The following SLC39A6 variants were observed in gnomAD, a reference collection of about 807,000 sequenced individuals.
SLC39A6 encodes zinc transporter ZIP6.
A neutral mutation model predicts 63.5 loss-of-function variants in SLC39A6; 51 were observed. The observed-to-expected ratio is 0.80, with a 90% CI of 0.64 to 1.01. The LOEUF is 1.01. Ranked by LOEUF, SLC39A6 falls within the 50% of genes least tolerant of loss-of-function variation. The pLI is 0.00. For synonymous variants in SLC39A6, 318 were observed against 324.7 expected (o/e 0.98, Z 0.22); for missense variants, 805 against 927.8 (o/e 0.87, Z 1.72).
At chr18:36,115,845 C>A (rs981509740) in intron 6 of SLC39A6, among the ~76,000 whole-genome samples, 6 of 152,086 alleles carry the variant, frequency 3.9e-5, no homozygotes, top group Non-Finnish European at 8.8e-5. Flanking sequence ...AGCAAACAGC[C>A]AAGTTTCAGG....
At chr18:36,118,956 G>A (rs2144505259) in intron 5 of SLC39A6, among the ~76,000 whole-genome samples, 1 of 152,218 alleles carries the variant, frequency 6.6e-6, no homozygotes, top group East Asian at 1.9e-4. Flanking sequence ...GGTTGGATGT[G>A]GGGATGAGGG....
rs781184086 is a variant in SLC39A6, at chr18:36,122,261, T to C, written c.1150A>G (p.Ser384Gly). 1.7e-5 allele frequency: 28 copies of C among 1,610,114 alleles called. No homozygotes were observed. The Admixed American group carries it at 4.5e-4, about 26-fold the overall frequency. Reference protein sequence around the residue: ...FLHLLPHSHASHHHSHSHEEP... With the variant: ...FLHLLPHSHAGHHHSHSHEEP... The stretch of plus-strand genomic sequence containing the variant: ...TCATGGCTATGACTATGGTGGTGAC[T>C]TGCATGAGACTGAAGGCAAAATAAT... Residue 384 changes from serine to glycine, a missense_variant, in exon 5 of 10, where the codon AGT (serine) becomes GGT (glycine). This residue lies in a region of SLC39A6 where 639 missense variants were observed against 644.0 expected (regional missense o/e 0.99). Coordinates refer to ENST00000269187, the MANE Select transcript of SLC39A6 (RefSeq NM_012319.4).
chr18:36,125,643 G>A (rs1168736498), intron 2 of SLC39A6, among the ~76,000 whole-genome samples: 2 of 152,010 alleles, frequency 1.3e-5, no homozygotes, highest in Non-Finnish European at 2.9e-5. Flanking sequence ...CTCAGCCAAG[G>A]TGAATTACGT....
rs2089441377 is a variant in SLC39A6 at position 36,126,669 on chromosome 18, G to C, written c.339C>G (p.Asp113Glu). 6 of 1,602,740 alleles carry C rather than the reference G, an allele frequency of 3.7e-6. No homozygotes were observed. The highest frequency in any genetic ancestry group is 5.1e-6 in the Non-Finnish European group (6 of 1,172,182). The change falls in exon 2 of 10, where the codon GAC (aspartate) becomes GAG (glutamate). Residue 113 changes from aspartate to glutamate, a missense_variant. Asp to Glu is a conservative substitution (Grantham distance 45). Transcript: ENST00000269187. ...EHHSDHERHS[D>E]HEHHSEHEHH... ...GCTCGTGCTCTGAGTGATGCTCATG[G>C]TCTGAGTGACGCTCATGGTCTGAGT...
chr18:36,119,840 A>T (rs1274011118), intron 5 of SLC39A6, among the ~76,000 whole-genome samples: 1 of 152,118 alleles, frequency 6.6e-6, no homozygotes, highest in Non-Finnish European at 1.5e-5. Context: ...TGATCATGCC[A>T]CTGCACTCTA....
chr18:36,117,058 G>GA (rs2089351903), intron 5 of SLC39A6, among the ~76,000 whole-genome samples: 1 of 152,200 alleles, frequency 6.6e-6, no homozygotes, highest in Admixed American at 6.5e-5. Flanking sequence ...CCAATACGGT[G>GA]AAACTCCATC....
chr18:36,124,483 T>G (rs2089419252), intron 3 of SLC39A6, 37 bp downstream of exon 3: 1 of 1,332,384 alleles, frequency 7.5e-7, no homozygotes, highest in Admixed American at 1.8e-5. Context: ...TAAATGAATC[T>G]ACTGAAATTG....
intron 6 of SLC39A6, among the ~76,000 whole-genome samples, chr18:36,115,533 T>C (rs2089338257): frequency 6.6e-6 from 1 of 152,012 alleles, no homozygotes; most frequent in Admixed American, 6.6e-5. Context: ...CAGTGGCTCA[T>C]GCCTGCTGTC....
Position 36,109,475 on chromosome 18 carries a change from C to T in SLC39A6, c.*118G>A, listed in dbSNP as rs2144495073. 1 of 717,584 alleles carries T rather than the reference C, an allele frequency of 1.4e-6. No homozygotes were observed. The highest frequency in any genetic ancestry group is 2.8e-5 in the Admixed American group (1 of 35,868). The allele number at this position is 717,584 out of a possible 1,614,324, so 44.5% of individuals were successfully genotyped here. A position where few individuals can be genotyped will look rare whatever the true frequency, so the allele number is the denominator to read the frequency against. On this transcript the variant is annotated 3_prime_UTR_variant, in exon 10 of 10. Coordinates refer to ENST00000269187, the MANE Select transcript of SLC39A6 (RefSeq NM_012319.4). ...TTGTAACAGACAGCAATATTCAATA[C>T]AAAAATCACAAAACCCACTAACTTT...
intron 5 of SLC39A6, 37 bp downstream of exon 5, chr18:36,122,015 C>G (rs2089398065): frequency 3.5e-6 from 5 of 1,420,902 alleles, no homozygotes; most frequent in Admixed American, 1.8e-5. Flanking sequence ...AAATAAATAT[C>G]TGAAGCATAG....
At chr18:36,119,742 A>G (rs1029088084) in intron 5 of SLC39A6, among the ~76,000 whole-genome samples, 3 of 152,082 alleles carry the variant, frequency 2.0e-5, no homozygotes, top group African/African-American at 7.2e-5. Context: ...TTAGCTGGGC[A>G]TGGTGGCATG....
rs1318477394 is a variant in SLC39A6 at position 36,109,033 on chromosome 18, A to C, written c.*560T>G. 1.3e-5 allele frequency: 2 copies of C among 152,212 alleles called. No homozygotes were observed. Among genetic ancestry groups the C allele is most frequent in the African/African-American group, 4.8e-5 (2 of 41,464 alleles). 9.4% of individuals were successfully genotyped at this position (152,212 alleles called of 1,614,324 possible). ...GAAATAATCCTGACAAAAATGTTTA[A>C]TGAATGTACTCTATACTAATTCTGC... On this transcript the variant is annotated 3_prime_UTR_variant, in exon 10 of 10. Transcript: ENST00000269187.
In SLC39A6 at chr18:36,114,414, G is replaced by A; in HGVS notation, c.1526C>T (p.Pro509Leu). 1 of 1,614,142 alleles carries A rather than the reference G, an allele frequency of 6.2e-7. No individual in the cohort carries two copies. Among genetic ancestry groups the A allele is most frequent in the African/African-American group, 1.3e-5 (1 of 75,046 alleles). ...GACCTCTTCTTCTTCCAAGACTGCA[G>A]GCTGCTGAGAATCAAAGTGGGAGGG... ...QEPSHFDSQQ[P>L]AVLEEEEVMI... The change falls in exon 7 of 10, where the codon CCT (proline) becomes CTT (leucine). Residue 509 changes from proline to leucine, a missense_variant. Physicochemically the swap from Pro to Leu is moderately conservative, Grantham distance 98 (BLOSUM62 -3). Coordinates refer to ENST00000269187, the MANE Select transcript of SLC39A6 (RefSeq NM_012319.4).
intron 9 of SLC39A6, 149 bp downstream of exon 9, chr18:36,110,910 G>A (rs563321380): frequency 1.6e-6 from 2 of 1,276,276 alleles, no homozygotes; most frequent in Non-Finnish European, 2.1e-6. Context: ...AGGATCATTT[G>A]GGCTCAGGAA....
intron 9 of SLC39A6, among the ~76,000 whole-genome samples, chr18:36,110,519 G>T (rs1344458156): frequency 6.9e-6 from 1 of 145,452 alleles, no homozygotes; most frequent in Non-Finnish European, 1.5e-5. Flanking sequence ...CATAATGACT[G>T]CATTTAAAAT....
At chr18:36,113,079 A>G (rs1441409530) in intron 7 of SLC39A6, among the ~76,000 whole-genome samples, 1 of 150,726 alleles carries the variant, frequency 6.6e-6, no homozygotes, top group African/African-American at 2.4e-5. Context: ...ATCAATTATA[A>G]ACCATGACTG....
intron 5 of SLC39A6, among the ~76,000 whole-genome samples, chr18:36,117,784 C>A (rs1317784320): frequency 1.3e-5 from 2 of 152,176 alleles, no homozygotes; most frequent in Non-Finnish European, 2.9e-5. Context: ...GTAATCCCAG[C>A]ACTTTGGGAG....
intron 8 of SLC39A6, among the ~76,000 whole-genome samples, chr18:36,111,774 T>C (rs1207793164): frequency 6.6e-6 from 1 of 152,206 alleles, no homozygotes; most frequent in Non-Finnish European, 1.5e-5. Context: ...CGTGAGCCAC[T>C]GCACCTGGCC....
At chr18:36,124,478 G>T in intron 3 of SLC39A6, 42 bp downstream of exon 3, 2 of 1,285,526 alleles carry the variant, frequency 1.6e-6, no homozygotes, top group South Asian at 1.5e-5. Context: ...CAATATAAAT[G>T]AATCTACTGA....
Sources: allele counts gnomAD v4.1 joint callset (sites outside exome capture counted in the v4.1 genomes callset), GRCh38; gene constraint gnomAD v4.1.1; regional missense constraint gnomAD v4.1.1; transcripts MANE v1.5; gene names NCBI Gene and HGNC (gene_info 2026-07-23, HGNC 2026-07-21).